Variants in SYT1 observed in about 807,000 individuals in gnomAD.
SYT1 encodes the protein synaptotagmin-1.
Under a neutral mutation model 44.8 loss-of-function variants are expected in SYT1, and 8 were observed. The ratio of observed to expected loss-of-function variants is 0.18; its 90% CI spans 0.10 to 0.32. SYT1 has a LOEUF of 0.32. Ranked by LOEUF, SYT1 falls within the 10% of genes least tolerant of loss-of-function variation. The pLI is 1.00. For missense variants in SYT1, 286 were observed against 509.3 expected, an observed-to-expected ratio of 0.56 and a Z score of 4.22; for synonymous variants, 154 against 188.8, an observed-to-expected ratio of 0.82 and a Z score of 1.51.
At chr12:79,164,581 G>T (rs761317931) in intron 3 of SYT1, among the ~76,000 whole-genome samples, 2 of 151,944 alleles carry the variant, frequency 1.3e-5, no homozygotes, top group Non-Finnish European at 2.9e-5. Flanking sequence ...CTTAGTAATT[G>T]CTTCTCTCAG....
At chr12:79,165,361 A>G (rs544401999) in intron 3 of SYT1, among the ~76,000 whole-genome samples, 28 of 152,004 alleles carry the variant, frequency 1.8e-4, no homozygotes, top group Non-Finnish European at 3.2e-4. Flanking sequence ...TTCACAAATA[A>G]AAGCTTTTTT....
intron 4 of SYT1, among the ~76,000 whole-genome samples, chr12:79,253,429 G>A (rs940577904): frequency 3.3e-5 from 5 of 150,312 alleles, no homozygotes; most frequent in Non-Finnish European, 7.4e-5. Context: ...GACAGTAAAC[G>A]TAATCCATAA....
intron 1 of SYT1, among the ~76,000 whole-genome samples, chr12:78,917,319 T>C (rs1876717825): frequency 6.6e-6 from 1 of 151,978 alleles, no homozygotes; most frequent in South Asian, 2.1e-4. Flanking sequence ...TTCTTTATCA[T>C]CCTGTCTTCT....
At chr12:78,916,570 A>C (rs1405559490) in intron 1 of SYT1, among the ~76,000 whole-genome samples, 2 of 151,914 alleles carry the variant, frequency 1.3e-5, no homozygotes, top group East Asian at 1.9e-4. Context: ...TGTTCGCTTG[A>C]ACCATCTGAC....
intron 3 of SYT1, among the ~76,000 whole-genome samples, chr12:79,127,613 G>C (rs1463369211): frequency 6.6e-6 from 1 of 151,870 alleles, no homozygotes; most frequent in Non-Finnish European, 1.5e-5. Context: ...TAAGGCCTGA[G>C]CAGAATAGTG....
chr12:79,246,756 T>C (rs1876873564), intron 4 of SYT1, among the ~76,000 whole-genome samples: 1 of 152,234 alleles, frequency 6.6e-6, no homozygotes, highest in African/African-American at 2.4e-5. Flanking sequence ...TTTCAACATA[T>C]GAATTTTGGG....
intron 1 of SYT1, among the ~76,000 whole-genome samples, chr12:78,892,746 C>A (rs1380637330): frequency 6.6e-6 from 1 of 151,498 alleles, no homozygotes; most frequent in East Asian, 1.9e-4. Flanking sequence ...TTTAATTTAG[C>A]AATACATTAA....
At chr12:78,994,936 TG>T (rs1342233221) in intron 2 of SYT1, among the ~76,000 whole-genome samples, 1 of 152,152 alleles carries the variant, frequency 6.6e-6, no homozygotes, top group East Asian at 1.9e-4. Context: ...TCTCCAAAAT[TG>T]GTCATCCCAC....
intron 2 of SYT1, among the ~76,000 whole-genome samples, chr12:79,029,828 A>C: frequency 6.6e-6 from 1 of 151,182 alleles, no homozygotes; most frequent in East Asian, 1.9e-4. Flanking sequence ...TAGAAAGAAA[A>C]GTTAGCTGAT....
chr12:79,313,405 G>C (rs139396253), intron 8 of SYT1, among the ~76,000 whole-genome samples: 2 of 152,312 alleles, frequency 1.3e-5, no homozygotes, highest in African/African-American at 4.8e-5. Context: ...TTCTTTAGCA[G>C]TATTTGAGGG....
At chr12:79,230,555 T>C (rs968676649) in intron 4 of SYT1, among the ~76,000 whole-genome samples, 1 of 152,214 alleles carries the variant, frequency 6.6e-6, no homozygotes, top group Non-Finnish European at 1.5e-5. Flanking sequence ...GGGGTAATAC[T>C]GATTTTAAAA....
At chr12:79,324,804 A>G (rs1215726873) in intron 8 of SYT1, among the ~76,000 whole-genome samples, 2 of 152,172 alleles carry the variant, frequency 1.3e-5, no homozygotes, top group Non-Finnish European at 2.9e-5. Flanking sequence ...TGAATATTCC[A>G]TAACCTACAA....
At chr12:79,363,504 C>T (rs539629193) in intron 9 of SYT1, among the ~76,000 whole-genome samples, 11 of 151,258 alleles carry the variant, frequency 7.3e-5, no homozygotes, top group African/African-American at 9.7e-5. Context: ...GTGGGAGGCT[C>T]GCTTGAGCCC....
chr12:79,074,356 G>A (rs1876492625), intron 3 of SYT1, among the ~76,000 whole-genome samples: 1 of 152,098 alleles, frequency 6.6e-6, no homozygotes, highest in Non-Finnish European at 1.5e-5. Context: ...GTAAATGAGA[G>A]GTTTAAAAGG....
intron 1 of SYT1, among the ~76,000 whole-genome samples, chr12:78,906,819 A>G (rs1876011541): frequency 1.3e-5 from 2 of 152,022 alleles, no homozygotes; most frequent in Non-Finnish European, 2.9e-5. Context: ...TCATTCTGTC[A>G]TTTTCAGGTT....
rs113836737 is a variant in SYT1, at chr12:79,037,443, C to T, written c.-83-9854C>T. ...AACTCTGGCTGCCAACAGATGTTTT[C>T]GTATTTGTTGACTTGTATAATAAAG... On this transcript the variant is annotated intron_variant, in intron 2 of 10. Transcript: ENST00000261205. Among the ~76,000 whole-genome samples, 255 of 151,718 alleles carry T rather than the reference C, an allele frequency of 1.7e-3. 2 individuals carry two copies. Among genetic ancestry groups the T allele is most frequent in the Middle Eastern group, 0.01 (3 of 294 alleles).
rs573772616 is a variant in SYT1, at chr12:79,061,487, T to C, written c.-18+14125T>C. 2.0e-4 allele frequency among the ~76,000 whole-genome samples: 31 copies of C among 152,262 alleles called. No homozygotes were observed. In the South Asian group the frequency reaches 2.9e-3, roughly 14 times the overall value. On this transcript the variant is annotated intron_variant, in intron 3 of 10. Transcript: ENST00000261205. The stretch of plus-strand genomic sequence containing the variant: ...GGCATTTGAGAACAGGACTTCTAGA[T>C]ACAAGGCTGCTGCTCTGTCACCTCA...
At chr12:79,368,377 C>G (rs367769704) in intron 9 of SYT1, among the ~76,000 whole-genome samples, 1 of 152,056 alleles carries the variant, frequency 6.6e-6, no homozygotes, top group Non-Finnish European at 1.5e-5. Flanking sequence ...TGTGTCTTTA[C>G]AGCAGCATGA....
intron 3 of SYT1, among the ~76,000 whole-genome samples, chr12:79,148,724 T>G (rs1870079463): frequency 6.6e-6 from 1 of 152,142 alleles, no homozygotes; most frequent in South Asian, 2.1e-4. Context: ...GTGCTATATC[T>G]GTATGTGCAA....
Sources: allele counts gnomAD v4.1 joint callset (sites outside exome capture counted in the v4.1 genomes callset), GRCh38; gene constraint gnomAD v4.1.1; transcripts MANE v1.5; gene names NCBI Gene and HGNC (gene_info 2026-07-23, HGNC 2026-07-21).